ATRNL1: variants seen among roughly 807,000 people sequenced by gnomAD.
The protein encoded by ATRNL1 is attractin like 1, also known as attractin-like protein 1.
ATRNL1 carries 95 observed loss-of-function variants against 182.7 expected under a neutral mutation model. The observed-to-expected ratio is 0.52, with a 90% CI of 0.44 to 0.62. The LOEUF (loss-of-function observed/expected upper bound fraction) is 0.62, where lower values mean the gene tolerates loss of function less well. ATRNL1 is among the 20% of genes least tolerant of loss of function. The pLI, the probability that ATRNL1 is intolerant of heterozygous loss-of-function variation, is 0.00. For missense variants in ATRNL1, 1,471 were observed against 1,679.5 expected (o/e 0.88, Z 2.17); for synonymous variants, 576 against 568.3 (o/e 1.01, Z -0.19).
chr10:115,304,195 T>C (rs938991582), intron 17 of ATRNL1, among the ~76,000 whole-genome samples: 3 of 152,164 alleles, frequency 2.0e-5, no homozygotes, highest in African/African-American at 7.2e-5. Flanking sequence ...TTCAGGACTT[T>C]CTTATTAGAT....
At chr10:115,336,953 C>A (rs1482109922) in intron 19 of ATRNL1, among the ~76,000 whole-genome samples, 4 of 144,834 alleles carry the variant, frequency 2.8e-5, no homozygotes, top group Admixed American at 1.4e-4. Flanking sequence ...TCAAGCAATT[C>A]TCCTGCCTCA....
chr10:115,641,075 T>C (rs1859213795), intron 26 of ATRNL1, among the ~76,000 whole-genome samples: 2 of 152,140 alleles, frequency 1.3e-5, no homozygotes, highest in African/African-American at 4.8e-5. Flanking sequence ...TGCAGTTGCT[T>C]ACAACCACCA....
chr10:115,896,167 C>T (rs1327975092), intron 28 of ATRNL1, among the ~76,000 whole-genome samples: 1 of 152,100 alleles, frequency 6.6e-6, no homozygotes, highest in African/African-American at 2.4e-5. Flanking sequence ...ATTGCCCATT[C>T]TATAAAGATT....
intron 9 of ATRNL1, among the ~76,000 whole-genome samples, chr10:115,236,126 C>T (rs1239980220): frequency 6.6e-6 from 1 of 152,104 alleles, no homozygotes; most frequent in Non-Finnish European, 1.5e-5. Context: ...TCTTTGTGCA[C>T]TCCTTTACCT....
chr10:115,489,538 G>C (rs1007564671), intron 24 of ATRNL1, among the ~76,000 whole-genome samples: 1 of 152,100 alleles, frequency 6.6e-6, no homozygotes, highest in Non-Finnish European at 1.5e-5. Context: ...TCAGAGACTA[G>C]GGTTGCAACC....
intron 25 of ATRNL1, among the ~76,000 whole-genome samples, chr10:115,530,719 C>G (rs1392456004): frequency 6.6e-6 from 1 of 151,480 alleles, no homozygotes; most frequent in South Asian, 2.1e-4. Flanking sequence ...TGCTGGTGTG[C>G]TGCACCCATT....
intron 28 of ATRNL1, among the ~76,000 whole-genome samples, chr10:115,865,486 G>A (rs1326240030): frequency 6.6e-6 from 1 of 152,000 alleles, no homozygotes; most frequent in African/African-American, 2.4e-5. Flanking sequence ...TCATTATATG[G>A]TTCCTGGGCC....
chr10:115,787,009 T>A (rs554071560), intron 27 of ATRNL1, among the ~76,000 whole-genome samples: 9 of 152,296 alleles, frequency 5.9e-5, no homozygotes, highest in Admixed American at 3.3e-4. Context: ...ATAATAATCT[T>A]TGTTTTTATT....
chr10:115,519,322 C>A lies in ATRNL1; in HGVS notation c.3714C>A (p.Phe1238Leu), dbSNP rs1239958352. 3 of 1,610,810 alleles carry A rather than the reference C, an allele frequency of 1.9e-6. No individual in the cohort carries two copies. The highest frequency in any genetic ancestry group is 2.5e-6 in the Non-Finnish European group (3 of 1,178,434). The change falls in exon 25 of 29, where the codon TTC (phenylalanine) becomes TTA (leucine). Residue 1238 changes from phenylalanine (F) to leucine (L), a missense_variant and splice_region_variant. Physicochemically the swap from Phe to Leu is conservative, Grantham distance 22. Transcript: ENST00000355044. ...MDLVQFFVTF[F>L]SCFLSLLLVA... Reference sequence around the variant, plus strand: ...TTGTGCAGTTTTTTGTCACCTTCTTCAGGTAAAAGTTTGCTTTGACTGACT... The same window carrying A: ...TTGTGCAGTTTTTTGTCACCTTCTTAAGGTAAAAGTTTGCTTTGACTGACT...
At chr10:115,226,463 C>T (rs1431887461) in intron 9 of ATRNL1, among the ~76,000 whole-genome samples, 2 of 151,484 alleles carry the variant, frequency 1.3e-5, no homozygotes, top group African/African-American at 2.4e-5. Flanking sequence ...GCTCATGGAT[C>T]AGAAGAATCA....
intron 27 of ATRNL1, among the ~76,000 whole-genome samples, chr10:115,836,206 A>G (rs1950667894): frequency 6.6e-6 from 1 of 152,160 alleles, no homozygotes; most frequent in Non-Finnish European, 1.5e-5. Context: ...GCTATGTGAT[A>G]TGTAGCTAGT....
intron 26 of ATRNL1, among the ~76,000 whole-genome samples, chr10:115,636,122 CTCA>C (rs1342218736): frequency 1.3e-5 from 2 of 152,054 alleles, no homozygotes; most frequent in Non-Finnish European, 2.9e-5. Flanking sequence ...CTTACGATTT[CTCA>C]TCATTTCTGT....
At chr10:115,617,323 C>T (rs1343379980) in intron 26 of ATRNL1, among the ~76,000 whole-genome samples, 6 of 152,062 alleles carry the variant, frequency 3.9e-5, no homozygotes, top group Non-Finnish European at 8.8e-5. Context: ...GTGCCTATAA[C>T]CCCTTTGTGT....
Position 115,137,760 on chromosome 10 carries a change from C to T in ATRNL1, c.829+8225C>T, listed in dbSNP as rs375525168. Among the ~76,000 whole-genome samples, 108 of 152,304 alleles carry T rather than the reference C, an allele frequency of 7.1e-4. 1 individual carries two copies. The East Asian group carries it at 0.015, about 20-fold the overall frequency. On this transcript the variant is annotated intron_variant, in intron 5 of 28. Coordinates refer to ENST00000355044, the MANE Select transcript of ATRNL1 (RefSeq NM_207303.4). The stretch of plus-strand genomic sequence containing the variant: ...AGATTTGGGTGGGGACACAGCCAAA[C>T]CATATCATTCTGCCACTGGCCCCTC...
intron 9 of ATRNL1, among the ~76,000 whole-genome samples, chr10:115,219,238 A>G (rs1376427053): frequency 3.3e-5 from 5 of 151,400 alleles, no homozygotes; most frequent in African/African-American, 7.3e-5. Flanking sequence ...TCTCAAAAAA[A>G]AAAAAAAAAA....
At chr10:115,236,437 T>C (rs1814118834) in intron 9 of ATRNL1, among the ~76,000 whole-genome samples, 1 of 152,186 alleles carries the variant, frequency 6.6e-6, no homozygotes, top group Admixed American at 6.5e-5. Flanking sequence ...GAAACTTGGT[T>C]TCCATTTTAT....
chr10:115,206,119 CT>C (rs2144344370), intron 8 of ATRNL1, among the ~76,000 whole-genome samples: 1 of 152,178 alleles, frequency 6.6e-6, no homozygotes, highest in South Asian at 2.1e-4. Flanking sequence ...ATTATTAGCA[CT>C]TAAAAAATGT....
chr10:115,357,505 ATTG>A (rs1487382964), intron 19 of ATRNL1, among the ~76,000 whole-genome samples: 31 of 151,858 alleles, frequency 2.0e-4, no homozygotes, highest in African/African-American at 7.5e-4. Flanking sequence ...CAGCATAAAT[ATTG>A]TTTATAAATA....
intron 26 of ATRNL1, among the ~76,000 whole-genome samples, chr10:115,573,835 C>T (rs1481992681): frequency 1.3e-5 from 2 of 152,082 alleles, no homozygotes; most frequent in African/African-American, 2.4e-5. Context: ...TCAGTATGGG[C>T]ACAGAGAAGG....
Sources: gnomAD v4.1 joint callset for allele counts (sites outside exome capture counted in the v4.1 genomes callset) on GRCh38, gnomAD v4.1.1 for gene constraint, MANE v1.5 for transcripts, NCBI Gene and HGNC (gene_info 2026-07-23, HGNC 2026-07-21) for gene names.